ROBO2: variants seen among roughly 807,000 people sequenced by gnomAD.
ROBO2 encodes roundabout homolog 2.
Under a neutral mutation model 160.8 loss-of-function variants are expected in ROBO2, and 53 were observed. The ratio of observed to expected loss-of-function variants is 0.33; its 90% CI spans 0.26 to 0.41. The LOEUF (loss-of-function observed/expected upper bound fraction) is 0.41. Among genes scored for constraint, ROBO2 ranks in the 10% least tolerant of loss-of-function variants. ROBO2 has a pLI of 1.00. For missense variants in ROBO2, 1,577 were observed against 1,722.4 expected (o/e 0.92, Z 1.49); for synonymous variants, 664 against 611.7 (o/e 1.09, Z -1.26).
intron 2 of ROBO2, among the ~76,000 whole-genome samples, chr3:77,279,839 T>A (rs1431253597): frequency 6.6e-6 from 1 of 152,172 alleles, no homozygotes; most frequent in Non-Finnish European, 1.5e-5. Context: ...TTTACCTTTA[T>A]GTTCAATTGT....
intron 2 of ROBO2, among the ~76,000 whole-genome samples, chr3:76,219,829 A>G (rs1388309031): frequency 3.9e-5 from 6 of 152,200 alleles, no homozygotes; most frequent in African/African-American, 1.2e-4. Context: ...ATTACTGGGT[A>G]TATACCCAAA....
rs1031376 is a variant in ROBO2 at position 77,645,186 on chromosome 3, A to T, written c.4135+282A>T. Among the ~76,000 whole-genome samples, 66,628 of 151,986 alleles carry T rather than the reference A, an allele frequency of 0.44. 15,200 individuals carry two copies. Among genetic ancestry groups the T allele is most frequent in the African/African-American group, 0.52 (21,524 of 41,446 alleles). ...CACTTATACATGAAATTAAATATAGAGTGTTTATCATTTTCTTTGCCTTTT... is the reference window on the plus strand; with the variant it reads ...CACTTATACATGAAATTAAATATAGTGTGTTTATCATTTTCTTTGCCTTTT... On this transcript the variant is annotated intron_variant, in intron 25 of 25. Transcript: ENST00000461745.
intron 2 of ROBO2, among the ~76,000 whole-genome samples, chr3:76,840,483 G>A (rs1451187535): frequency 2.0e-5 from 3 of 151,202 alleles, no homozygotes; most frequent in East Asian, 1.9e-4. Flanking sequence ...GGTGGCAGGC[G>A]CCTGTAGTCC....
At chr3:76,746,840 G>T (rs1018093821) in intron 2 of ROBO2, among the ~76,000 whole-genome samples, 3 of 151,968 alleles carry the variant, frequency 2.0e-5, no homozygotes, top group African/African-American at 7.2e-5. Context: ...AGTGTTTGTT[G>T]TTACGCTCCC....
chr3:76,549,958 T>C (rs1280765626), intron 2 of ROBO2, among the ~76,000 whole-genome samples: 2 of 152,198 alleles, frequency 1.3e-5, no homozygotes, highest in African/African-American at 4.8e-5. Flanking sequence ...TTTTTACAGT[T>C]TTAGAATGTT....
intron 2 of ROBO2, among the ~76,000 whole-genome samples, chr3:77,143,051 A>AAT (rs1211204474): frequency 6.6e-6 from 1 of 152,104 alleles, no homozygotes; most frequent in Admixed American, 6.6e-5. Flanking sequence ...TCCAGATTTG[A>AAT]ATAGGACTCT....
At chr3:77,311,554 T>G (rs1381768571) in intron 2 of ROBO2, among the ~76,000 whole-genome samples, 1 of 152,234 alleles carries the variant, frequency 6.6e-6, no homozygotes, top group Non-Finnish European at 1.5e-5. Flanking sequence ...GGTCAGTGAT[T>G]AAGAACGAAA....
At chr3:77,602,029 G>A (rs2094439697) in intron 19 of ROBO2, among the ~76,000 whole-genome samples, 181 bp from the exon 21 acceptor site, 1 of 152,216 alleles carries the variant, frequency 6.6e-6, no homozygotes, top group South Asian at 2.1e-4. Context: ...AGGCCTGCCT[G>A]TCACTGAGGC....
chr3:76,937,110 G>A (rs1346420199), intron 2 of ROBO2, among the ~76,000 whole-genome samples: 1 of 152,152 alleles, frequency 6.6e-6, no homozygotes, highest in African/African-American at 2.4e-5. Context: ...CACAAGTGAA[G>A]GTGGGGTGAG....
chr3:76,294,090 G>A (rs1576295290), intron 2 of ROBO2, among the ~76,000 whole-genome samples: 1 of 152,332 alleles, frequency 6.6e-6, no homozygotes, highest in African/African-American at 2.4e-5. Context: ...ACCCAGCTGG[G>A]TTGTGACAGC....
intron 2 of ROBO2, among the ~76,000 whole-genome samples, chr3:76,183,183 C>A (rs1701590784): frequency 6.6e-6 from 1 of 152,134 alleles, no homozygotes; most frequent in Admixed American, 6.6e-5. Flanking sequence ...CAAATGTCAT[C>A]TCTAGGACAG....
chr3:76,624,796 C>CAAAAAAAAAAAAAAAAAAAAAA lies in ROBO2; in HGVS notation c.110-473201_110-473180dup, dbSNP rs57920315. Reference sequence around the variant, plus strand: ...TGAGTGACAGAGTGAGACTCCGTCTCAAAAAAAAAAAAAAAAAAAAAAAAA... The same window carrying CAAAAAAAAAAAAAAAAAAAAAA: ...TGAGTGACAGAGTGAGACTCCGTCTCAAAAAAAAAAAAAAAAAAAAAAAAAAAAAAAAAAAAAAAAAAAAAAA... On this transcript the variant is annotated intron_variant, in intron 2 of 26. Transcript: ENST00000487694. 8.6e-5 allele frequency among the ~76,000 whole-genome samples: 4 copies of CAAAAAAAAAAAAAAAAAAAAAA among 46,324 alleles called. 1 individual carries two copies. Among genetic ancestry groups the CAAAAAAAAAAAAAAAAAAAAAA allele is most frequent in the African/African-American group, 2.1e-4 (2 of 9,710 alleles). The allele number at this position is 46,324 out of a possible 152,430, so 30.4% of individuals were successfully genotyped here.
chr3:75,977,821 T>G (rs1029213809), intron 2 of ROBO2, among the ~76,000 whole-genome samples: 2 of 151,554 alleles, frequency 1.3e-5, no homozygotes, highest in African/African-American at 4.8e-5. Flanking sequence ...ATTTACAACT[T>G]GTGGTATTTT....
At chr3:77,548,036 G>A (rs941952671) in intron 7 of ROBO2, among the ~76,000 whole-genome samples, 13 of 146,572 alleles carry the variant, frequency 8.9e-5, no homozygotes, top group African/African-American at 2.0e-4. Context: ...ATACACATAC[G>A]CCACACACAG....
chr3:77,208,940 C>A (rs2083762892), intron 2 of ROBO2, among the ~76,000 whole-genome samples: 1 of 152,074 alleles, frequency 6.6e-6, no homozygotes, highest in African/African-American at 2.4e-5. Context: ...TAAATAATAA[C>A]CTGATATGTT....
intron 2 of ROBO2, among the ~76,000 whole-genome samples, chr3:77,228,466 G>T (rs898028515): frequency 2.7e-5 from 4 of 150,590 alleles, no homozygotes; most frequent in Non-Finnish European, 5.9e-5. Flanking sequence ...AAATTACTTT[G>T]CCCACTTTTT....
intron 2 of ROBO2, among the ~76,000 whole-genome samples, chr3:77,375,760 A>G (rs2072551355): frequency 6.6e-6 from 1 of 152,188 alleles, no homozygotes; most frequent in African/African-American, 2.4e-5. Flanking sequence ...CATGCATTTG[A>G]GAACCTTTGC....
intron 2 of ROBO2, among the ~76,000 whole-genome samples, chr3:76,921,044 A>G (rs1298540340): frequency 6.6e-6 from 1 of 152,128 alleles, no homozygotes; most frequent in Non-Finnish European, 1.5e-5. Flanking sequence ...GTGGGGGGAA[A>G]TTATTTCAAG....
At chr3:76,777,521 G>A (rs1040278239) in intron 2 of ROBO2, among the ~76,000 whole-genome samples, 35 of 150,862 alleles carry the variant, frequency 2.3e-4, no homozygotes, top group Admixed American at 2.3e-3. Flanking sequence ...AATGGACACT[G>A]AGAGCGAAGC....
Sources: gnomAD v4.1 joint callset for allele counts (sites outside exome capture counted in the v4.1 genomes callset) on GRCh38, gnomAD v4.1.1 for gene constraint, MANE v1.5 for transcripts, NCBI Gene and HGNC (gene_info 2026-07-23, HGNC 2026-07-21) for gene names.